The following ALK variants were observed in gnomAD, a reference collection of about 807,000 sequenced individuals.
The protein encoded by ALK is ALK receptor tyrosine kinase, also known as ALK tyrosine kinase receptor.
ALK carries 74 observed loss-of-function variants against 163.1 expected under a neutral mutation model. That is an observed-to-expected ratio of 0.45 (90% CI 0.38 to 0.55). The LOEUF (loss-of-function observed/expected upper bound fraction) is 0.55. Among genes scored for constraint, ALK ranks in the 20% least tolerant of loss-of-function variants. The pLI is 0.00. For synonymous variants in ALK, 960 were observed against 843.2 expected, an observed-to-expected ratio of 1.14 and a Z score of -2.40; for missense variants, 2,063 against 2,105.3, an observed-to-expected ratio of 0.98 and a Z score of 0.39.
chr2:29,449,124 GATTT>G (rs1392718898), intron 4 of ALK, among the ~76,000 whole-genome samples: 5 of 152,130 alleles, frequency 3.3e-5, no homozygotes, highest in African/African-American at 9.7e-5. Flanking sequence ...CATATCATAT[GATTT>G]ATTTATTTGT....
Position 29,303,051 on chromosome 2 carries a change from C to T in ALK, c.1648-5994G>A, listed in dbSNP as rs527886090. Among the ~76,000 whole-genome samples, 16 of 152,116 alleles carry T rather than the reference C, an allele frequency of 1.1e-4. No individual in the cohort carries two copies. In the South Asian group the frequency reaches 3.1e-3, roughly 30 times the overall value. ...ACCTAACTAAAGAGCTTCTGCACAA[C>T]AAAAGAAACTATAAACAGAGTTTAT... On this transcript the variant is annotated intron_variant, in intron 8 of 28. Transcript: ENST00000389048.
chr2:29,321,533 T>C (rs1474612583), intron 6 of ALK, among the ~76,000 whole-genome samples: 1 of 152,272 alleles, frequency 6.6e-6, no homozygotes, highest in Non-Finnish European at 1.5e-5. Flanking sequence ...GGAAGTGATG[T>C]ATCTTCTCTG....
chr2:29,564,606 C>A (rs1406894165), intron 3 of ALK, among the ~76,000 whole-genome samples: 6 of 152,202 alleles, frequency 3.9e-5, no homozygotes, highest in South Asian at 4.1e-4. Context: ...CCTCTTCTTT[C>A]TCCATTTCCC....
At chr2:29,752,144 G>C (rs1417351937) in intron 1 of ALK, among the ~76,000 whole-genome samples, 1 of 152,144 alleles carries the variant, frequency 6.6e-6, no homozygotes, top group Non-Finnish European at 1.5e-5. Flanking sequence ...CAAAAGCTAT[G>C]TGCATTCAGT....
intron 4 of ALK, among the ~76,000 whole-genome samples, chr2:29,490,085 G>A (rs1325434752): frequency 6.6e-6 from 1 of 152,234 alleles, no homozygotes; most frequent in African/African-American, 2.4e-5. Context: ...ATCATCCCTG[G>A]GGACAAGGGA....
intron 4 of ALK, among the ~76,000 whole-genome samples, chr2:29,444,147 G>T (rs1670612666): frequency 6.6e-6 from 1 of 152,218 alleles, no homozygotes; most frequent in Non-Finnish European, 1.5e-5. Flanking sequence ...AGTCCTACGT[G>T]GGGAGGCTTT....
chr2:29,722,655 A>G (rs922271178), intron 1 of ALK, among the ~76,000 whole-genome samples: 3 of 152,188 alleles, frequency 2.0e-5, no homozygotes, highest in Non-Finnish European at 4.4e-5. Context: ...ACCCAGTTTC[A>G]TGGCTCTAAA....
intron 1 of ALK, among the ~76,000 whole-genome samples, chr2:29,793,463 G>A (rs1045987215): frequency 7.2e-5 from 11 of 152,134 alleles, no homozygotes; most frequent in Non-Finnish European, 1.6e-4. Flanking sequence ...GGCATCTAGA[G>A]TAGTGAATCC....
intron 4 of ALK, among the ~76,000 whole-genome samples, chr2:29,501,453 C>A (rs1403977318): frequency 6.6e-6 from 1 of 152,210 alleles, no homozygotes. Flanking sequence ...CATGTCCTTA[C>A]TGGTTTGCTG....
rs376416390 is a variant in ALK at position 29,586,576 on chromosome 2, T to C, written c.953-54460A>G. 5.8e-4 allele frequency among the ~76,000 whole-genome samples: 89 copies of C among 152,310 alleles called. 3 individuals carry two copies. The South Asian group carries it at 0.018, about 30-fold the overall frequency. ...GCCTAGGCCCATGACAATATATTAA[T>C]ATTGGTTATCTCCAAGCTCCTCTGG... On this transcript the variant is annotated intron_variant, in intron 3 of 28. Coordinates refer to ENST00000389048, the MANE Select transcript of ALK (RefSeq NM_004304.5).
chr2:29,404,382 A>C (rs1327865756), intron 4 of ALK, among the ~76,000 whole-genome samples: 1 of 152,116 alleles, frequency 6.6e-6, no homozygotes, highest in Non-Finnish European at 1.5e-5. Context: ...ATAAATATTT[A>C]CTCAAACAGA....
chr2:29,553,112 A>T (rs1673758473), intron 3 of ALK, among the ~76,000 whole-genome samples: 2 of 152,158 alleles, frequency 1.3e-5, no homozygotes, highest in African/African-American at 2.4e-5. Flanking sequence ...TCTCTTCCAA[A>T]ACTCATGTTG....
intron 1 of ALK, among the ~76,000 whole-genome samples, chr2:29,903,631 A>G (rs1667471346): frequency 6.6e-6 from 1 of 152,224 alleles, no homozygotes; most frequent in Non-Finnish European, 1.5e-5. Context: ...ACAGAAAACC[A>G]TAACAAAGCA....
chr2:29,196,735 G>C (rs1669031718), intron 28 of ALK, 35 bp downstream of exon 28: 2 of 1,466,652 alleles, frequency 1.4e-6, no homozygotes, highest in East Asian at 2.3e-5. Context: ...GTTTCATATA[G>C]AGTAAATGTT....
chr2:29,750,415 A>C (rs13411840), intron 1 of ALK, among the ~76,000 whole-genome samples: 31,873 of 151,982 alleles, frequency 0.21, 8,376 homozygotes, highest in African/African-American at 0.62. Context: ...ATAATTCAAG[A>C]ACCTTTGGAG....
At chr2:29,295,725 C>T (rs1666158135) in intron 9 of ALK, among the ~76,000 whole-genome samples, 1 of 152,232 alleles carries the variant, frequency 6.6e-6, no homozygotes, top group Non-Finnish European at 1.5e-5. Flanking sequence ...CAACTAGCAT[C>T]ACCCTCCACC....
chr2:29,359,103 T>TA (rs35337085), intron 5 of ALK, among the ~76,000 whole-genome samples: 104,618 of 148,972 alleles, frequency 0.7, 36,777 homozygotes, highest in East Asian at 0.94. Flanking sequence ...CTATGGTAAT[T>TA]AAAAAAAAAA....
chr2:29,417,586 G>A (rs967670765), intron 4 of ALK, among the ~76,000 whole-genome samples: 5 of 152,148 alleles, frequency 3.3e-5, no homozygotes, highest in African/African-American at 7.2e-5. Flanking sequence ...TGACTTGCCC[G>A]AGATCACATG....
At chr2:29,478,473 G>T (rs772797008) in intron 4 of ALK, among the ~76,000 whole-genome samples, 1 of 152,228 alleles carries the variant, frequency 6.6e-6, no homozygotes, top group Non-Finnish European at 1.5e-5. Flanking sequence ...GACAGGCGGA[G>T]GACTTGCCTC....
Sources: allele counts gnomAD v4.1 joint callset (sites outside exome capture counted in the v4.1 genomes callset), GRCh38; gene constraint gnomAD v4.1.1; transcripts MANE v1.5; gene names NCBI Gene and HGNC (gene_info 2026-07-23, HGNC 2026-07-21).